TULP2: variants seen among roughly 807,000 people sequenced by gnomAD.
TULP2 encodes TUB like protein 2.
TULP2 carries 64 observed loss-of-function variants against 60.3 expected under a neutral mutation model. That is an observed-to-expected ratio of 1.06 (90% CI 0.87 to 1.31). The LOEUF is 1.31. TULP2 is among the 50% of genes most tolerant of loss of function. TULP2 has a pLI of 0.00. For missense variants in TULP2, 652 were observed against 667.0 expected (o/e 0.98, Z 0.25); for synonymous variants, 267 against 265.4 (o/e 1.01, Z -0.06).
intron 6 of TULP2, among the ~76,000 whole-genome samples, chr19:48,893,478 C>G (rs1795028382): frequency 2.0e-5 from 3 of 151,838 alleles, no homozygotes; most frequent in Admixed American, 1.3e-4. Flanking sequence ...TCTAAGAAGA[C>G]AGTGGAGGTT....
At position 48,888,076 on chromosome 19, in the gene TULP2, G is replaced by T; in HGVS notation, c.822C>A (p.Ala274=). ...CCGGGAGCGCTGGCCGCAGCACGTA[G>T]GCTTCCATGTCCTCCTCCAGCCCAG... ...PCPGLEEDME[A]YVLRPALPGT... The change falls in exon 8 of 13, where the codon GCC becomes GCA. Residue 274 remains alanine (A), a synonymous_variant. Transcript: ENST00000221399. 1 of 1,614,174 alleles carries T rather than the reference G, an allele frequency of 6.2e-7. No individual in the cohort carries two copies. The highest frequency in any genetic ancestry group is 8.5e-7 in the Non-Finnish European group (1 of 1,180,032).
intron 6 of TULP2, among the ~76,000 whole-genome samples, chr19:48,889,841 G>A (rs2037216655): frequency 6.6e-6 from 1 of 152,184 alleles, no homozygotes; most frequent in African/African-American, 2.4e-5. Context: ...TGCAAGATGT[G>A]CTTTGTTAAA....
chr19:48,885,484 A>G lies in TULP2; in HGVS notation c.1025T>C (p.Leu342Pro), dbSNP rs575662430. ...CACGAAATTGTCCCCGTCCCGAGAT[A>G]GGTGTGTAGGATCCAGGGAGATGAG... ...NYLISLDPTH[L>P]SRDGDNFVGK... Residue 342 changes from leucine to proline, a missense_variant, in exon 9 of 13, where the codon CTA becomes CCA. Coordinates refer to ENST00000221399, the MANE Select transcript of TULP2 (RefSeq NM_003323.3). 4 of 1,613,962 alleles carry G rather than the reference A, an allele frequency of 2.5e-6. No homozygotes were observed. The African/African-American group carries it at 5.3e-5, about 22-fold the overall frequency.
rs1388487045 is a variant in TULP2, at chr19:48,896,510, AGG to A, written c.129_130del (p.Leu44HisfsTer7). On this transcript the variant is annotated frameshift_variant, in exon 4 of 13. Transcript: ENST00000221399. LOFTEE classifies it high-confidence loss of function. ...AGCGTCAGGATTGGCCTGAACCATG[AGG>A]AGCTCCTGGCGCTTCTGTCGCTGCT... 21 of 1,607,998 alleles carry A rather than the reference AGG, an allele frequency of 1.3e-5. No homozygotes were observed. The highest frequency in any genetic ancestry group is 1.7e-5 in the Non-Finnish European group (20 of 1,177,416).
In TULP2 at chr19:48,888,189, C is replaced by G; in HGVS notation, c.709G>C (p.Glu237Gln). 6.2e-7 allele frequency: 1 copy of G among 1,614,172 alleles called. No individual in the cohort carries two copies. The highest frequency in any genetic ancestry group is 8.5e-7 in the Non-Finnish European group (1 of 1,180,012). ...GTNSSAAHNE[E>Q]LSKALKGEGG... The stretch of plus-strand genomic sequence containing the variant: ...TCGCCTTTCAGGGCCTTGGACAACT[C>G]TTCGTTGTGTGCTGCTGAGGAGTTC... The change falls in exon 8 of 13, where the codon GAG becomes CAG. Residue 237 changes from glutamate to glutamine, a missense_variant. Coordinates refer to ENST00000221399, the MANE Select transcript of TULP2 (RefSeq NM_003323.3).
In TULP2 at chr19:48,885,739, G is replaced by T. The variant is rs374415475; in HGVS notation, c.949-179C>A. ...TCTCTACTAAAAATAAAAAAAATTA[G>T]CCAGGCGTGGTAGTGCGTGCCTATA... On this transcript the variant is annotated intron_variant, in intron 8 of 12. Coordinates refer to ENST00000221399, the MANE Select transcript of TULP2 (RefSeq NM_003323.3). 5.9e-5 allele frequency among the ~76,000 whole-genome samples: 9 copies of T among 151,814 alleles called. No homozygotes were observed. In the East Asian group the frequency reaches 1.6e-3, roughly 26 times the overall value.
Position 48,897,207 on chromosome 19 carries a change from C to A in TULP2, c.84+138G>T, listed in dbSNP as rs1430608569. ...GCCCGGCCCCAAATTCCTATTTTCTCATTTCTCAGTGGGAAAACTCAAGGA... is the reference window on the plus strand; with the variant it reads ...GCCCGGCCCCAAATTCCTATTTTCTAATTTCTCAGTGGGAAAACTCAAGGA... On this transcript the variant is annotated intron_variant, in intron 3 of 12. Coordinates refer to ENST00000221399, the MANE Select transcript of TULP2 (RefSeq NM_003323.3). This position sits in a 1 kb window ranked among gnomAD's most constrained non-coding sequence, Gnocchi z 4.0. 2.0e-6 allele frequency: 2 copies of A among 978,184 alleles called. No homozygotes were observed. Among genetic ancestry groups the A allele is most frequent in the East Asian group, 5.3e-5 (2 of 37,718 alleles). The allele number at this position is 978,184 out of a possible 1,614,324, so 60.6% of individuals were successfully genotyped here.
chr19:48,882,601 G>T (rs990599047), intron 11 of TULP2, among the ~76,000 whole-genome samples: 1 of 152,142 alleles, frequency 6.6e-6, no homozygotes, highest in Non-Finnish European at 1.5e-5. Context: ...TGCCGTGTAG[G>T]GTTTCCATTG....
At chr19:48,894,971 G>A in intron 6 of TULP2, 27 bp downstream of exon 6, 1 of 1,596,854 alleles carries the variant, frequency 6.3e-7, no homozygotes, top group Non-Finnish European at 8.5e-7. Flanking sequence ...GAGATCCCAG[G>A]TTTCACCCCA....
Position 48,885,641 on chromosome 19 carries a change from T to C in TULP2, c.949-81A>G, listed in dbSNP as rs575522802. The stretch of plus-strand genomic sequence containing the variant: ...GCTCATGCCTGTAATCCCTGCACTT[T>C]GGGAGGCTGCGGCGGGCAGATCACT... On this transcript the variant is annotated intron_variant, in intron 8 of 12. Transcript: ENST00000221399. 147 of 1,327,414 alleles carry C rather than the reference T, an allele frequency of 1.1e-4. 1 individual carries two copies. The South Asian group carries it at 1.7e-3, about 15-fold the overall frequency. 82.2% of individuals were successfully genotyped at this position (1,327,414 alleles called of 1,614,324 possible).
At chr19:48,898,161 T>C (rs2122148005) in intron 1 of TULP2, 1 of 174,776 alleles carries the variant, frequency 5.7e-6, no homozygotes, top group African/African-American at 2.4e-5. Context: ...TAGATACCGG[T>C]TTTCACTATG....
chr19:48,885,653 G>A (rs1346626128), intron 8 of TULP2, 93 bp from the exon 9 acceptor site: 2 of 1,130,094 alleles, frequency 1.8e-6, no homozygotes, highest in Non-Finnish European at 2.6e-6. Flanking sequence ...GGAGGCTGCG[G>A]CGGGCAGATC....
At position 48,895,371 on chromosome 19, in the gene TULP2, T is replaced by G. The variant is rs1163435776; in HGVS notation, c.344A>C (p.Glu115Ala). 2 of 1,613,594 alleles carry G rather than the reference T, an allele frequency of 1.2e-6. No homozygotes were observed. Among genetic ancestry groups the G allele is most frequent in the Non-Finnish European group, 1.7e-6 (2 of 1,179,704 alleles). Reference sequence around the variant, plus strand: ...GTCGGTGGACTCGCAAATACCTGCTTCTGTCCGCGGTGTCGGGAGGCCGCG... The same window carrying G: ...GTCGGTGGACTCGCAAATACCTGCTGCTGTCCGCGGTGTCGGGAGGCCGCG... Reference protein sequence around the residue: ...GERGLPTPRTEAVFRNLGLQS... With the variant: ...GERGLPTPRTAAVFRNLGLQS... The change falls in exon 5 of 13, where the codon GAA becomes GCA. Residue 115 changes from glutamate to alanine, a missense_variant. Coordinates refer to ENST00000221399, the MANE Select transcript of TULP2 (RefSeq NM_003323.3).
Position 48,897,802 on chromosome 19 carries a change from C to T in TULP2, c.32+35G>A. The T allele has an allele frequency of 6.2e-7, 1 of 1,612,852 alleles. No individual in the cohort carries two copies. Among genetic ancestry groups the T allele is most frequent in the Middle Eastern group, 1.7e-4 (1 of 6,058 alleles). ...AGTGCACGGGGTCCCCAGCCCTTTC[C>T]ACCTCCACCCCTACCCATCTGTTTC... On this transcript the variant is annotated intron_variant, in intron 2 of 12. Transcript: ENST00000221399. The surrounding 1 kb of genome is among the most constrained non-coding windows in gnomAD (Gnocchi z 4.0).
At chr19:48,884,908 C>CTTTTT (rs745788084) in intron 9 of TULP2, among the ~76,000 whole-genome samples, 5 of 97,378 alleles carry the variant, frequency 5.1e-5, no homozygotes, top group African/African-American at 1.6e-4. Context: ...TAGGAACCCT[C>CTTTTT]TTTTTTTTTT....
intron 6 of TULP2, among the ~76,000 whole-genome samples, 179 bp from the exon 7 acceptor site, chr19:48,889,810 G>A (rs535363005): frequency 4.0e-4 from 61 of 152,252 alleles, no homozygotes; most frequent in African/African-American, 1.4e-3. Flanking sequence ...GTCCACTCAG[G>A]GTTAAATGGA....
rs889350887 is a variant in TULP2, at chr19:48,888,281, T to C, written c.637-20A>G. On this transcript the variant is annotated intron_variant, in intron 7 of 12. Transcript: ENST00000221399. The stretch of plus-strand genomic sequence containing the variant: ...TTCTTCCTAGCCCAGGCACCAAATT[T>C]AAAGTCGAGGGACAACCACCGGCCC... The C allele has an allele frequency of 8.3e-6, 13 of 1,564,556 alleles. No homozygotes were observed. The African/African-American group carries it at 1.6e-4, about 20-fold the overall frequency.
At chr19:48,882,278 T>G in intron 11 of TULP2, 75 bp from the exon 12 acceptor site, 3 of 1,549,356 alleles carry the variant, frequency 1.9e-6, no homozygotes, top group Middle Eastern at 3.4e-4. Context: ...CGACTCCATC[T>G]TGAACAGGGG....
chr19:48,884,076 A>C, intron 9 of TULP2, 30 bp from the exon 10 acceptor site: 4 of 1,575,320 alleles, frequency 2.5e-6, no homozygotes, highest in Non-Finnish European at 3.5e-6. Context: ...GATAGAATAA[A>C]AATACTAAGT....
Sources: allele counts gnomAD v4.1 joint callset (sites outside exome capture counted in the v4.1 genomes callset), GRCh38; gene constraint gnomAD v4.1.1; non-coding constraint Gnocchi (gnomAD v3.1); transcripts MANE v1.5; gene names NCBI Gene and HGNC (gene_info 2026-07-23, HGNC 2026-07-21).